Variants in AKR1C3 observed in about 807,000 individuals in gnomAD.
AKR1C3 encodes 3-alpha hydroxysteroid dehydrogenase, type II.
A neutral mutation model predicts 43.6 loss-of-function variants in AKR1C3; 48 were observed. The observed-to-expected ratio is 1.10, with a 90% confidence interval of 0.87 to 1.40. The LOEUF is 1.40. AKR1C3 is among the 40% of genes most tolerant of loss of function. The pLI, the probability that AKR1C3 is intolerant of heterozygous loss-of-function variation, is 0.00. For synonymous variants in AKR1C3, 162 were observed against 139.6 expected, an observed-to-expected ratio of 1.16 and a Z score of -1.13; for missense variants, 482 against 391.2, an observed-to-expected ratio of 1.23 and a Z score of -1.96.
chr10:5,062,325 T>A (rs1222618576), intron 1 of AKR1C3, among the ~76,000 whole-genome samples: 1 of 152,192 alleles, frequency 6.6e-6, no homozygotes, highest in Non-Finnish European at 1.5e-5. Flanking sequence ...TCAGGGAGGC[T>A]ATAAACTTTG....
chr10:5,091,132 G>A (rs1047750920), upstream of AKR1C3, among the ~76,000 whole-genome samples: 1 of 151,978 alleles, frequency 6.6e-6, no homozygotes, highest in Admixed American at 6.6e-5. Context: ...AGAAAACGGA[G>A]TAAAATGAGG....
chr10:5,072,198 C>A (rs1219460798), intron 1 of AKR1C3, among the ~76,000 whole-genome samples: 1 of 152,102 alleles, frequency 6.6e-6, no homozygotes, highest in Admixed American at 6.6e-5. Flanking sequence ...TAATTTATGG[C>A]CAAACCCTGG....
chr10:5,062,282 C>T (rs782788033), intron 1 of AKR1C3, among the ~76,000 whole-genome samples: 1 of 152,188 alleles, frequency 6.6e-6, no homozygotes, highest in Admixed American at 6.5e-5. Flanking sequence ...TTGCAGCCCA[C>T]AATCTTTCCT....
intron 7 of AKR1C3, among the ~76,000 whole-genome samples, chr10:5,102,961 G>A (rs1554786369): frequency 6.8e-6 from 1 of 147,764 alleles, no homozygotes; most frequent in South Asian, 2.1e-4. Context: ...TTTTTTTTGA[G>A]ACAGAGTCTC....
intron 1 of AKR1C3, among the ~76,000 whole-genome samples, chr10:5,067,868 A>G (rs782236759): frequency 6.6e-6 from 1 of 152,186 alleles, no homozygotes; most frequent in African/African-American, 2.4e-5. Context: ...AGGAAGGACA[A>G]TGTGGCCATC....
intron 1 of AKR1C3, among the ~76,000 whole-genome samples, chr10:5,070,467 A>T (rs1207377695): frequency 6.6e-6 from 1 of 152,220 alleles, no homozygotes; most frequent in Admixed American, 6.5e-5. Context: ...TGGGGGTTTA[A>T]ATACTCTCTA....
At chr10:5,055,467 T>G (rs963699706) in intron 1 of AKR1C3, among the ~76,000 whole-genome samples, 1 of 152,226 alleles carries the variant, frequency 6.6e-6, no homozygotes, top group Non-Finnish European at 1.5e-5. Flanking sequence ...GTATGCCATT[T>G]ACATCATGAG....
intron 1 of AKR1C3, among the ~76,000 whole-genome samples, chr10:5,069,813 G>A (rs1343713845): frequency 6.6e-6 from 1 of 152,108 alleles, no homozygotes; most frequent in Non-Finnish European, 1.5e-5. Flanking sequence ...GGCAGAGGTT[G>A]TGGTGAGCTG....
chr10:5,101,800 C>T (rs963557571), intron 5 of AKR1C3, among the ~76,000 whole-genome samples: 3 of 152,136 alleles, frequency 2.0e-5, no homozygotes, highest in Non-Finnish European at 2.9e-5. Flanking sequence ...CCCAAAGGCT[C>T]TAAGAATCTT....
intron 1 of AKR1C3, chr10:5,081,040 T>TAA (rs1337486616): frequency 6.6e-5 from 10 of 152,192 alleles, no homozygotes; most frequent in Admixed American, 6.5e-4. Context: ...AAAGATATAG[T>TAA]AAGTGCATTC....
intron 1 of AKR1C3, among the ~76,000 whole-genome samples, chr10:5,071,817 G>GGC: frequency 6.6e-6 from 1 of 152,186 alleles, no homozygotes; most frequent in Non-Finnish European, 1.5e-5. Flanking sequence ...GGCCCAAGCA[G>GGC]CCCCTTCCTA....
chr10:5,053,450 A>G (rs1193994034), intron 1 of AKR1C3, among the ~76,000 whole-genome samples: 2 of 152,224 alleles, frequency 1.3e-5, no homozygotes, highest in African/African-American at 4.8e-5. Flanking sequence ...CCACAAGGCC[A>G]TGCGCAGCCC....
upstream of AKR1C3, chr10:5,093,824 G>A (rs1554784688): frequency 6.6e-6 from 1 of 152,128 alleles, no homozygotes; most frequent in Non-Finnish European, 1.5e-5. Flanking sequence ...TATCAGGACT[G>A]CATCTTCTTC....
chr10:5,089,984 A>G (rs1448310798), upstream of AKR1C3, among the ~76,000 whole-genome samples: 1 of 152,150 alleles, frequency 6.6e-6, no homozygotes, highest in Non-Finnish European at 1.5e-5. Context: ...GCTTTGCTTC[A>G]ATAGCCCTAT....
At chr10:5,057,799 A>G (rs1554779786) in intron 1 of AKR1C3, among the ~76,000 whole-genome samples, 1 of 152,158 alleles carries the variant, frequency 6.6e-6, no homozygotes, top group African/African-American at 2.4e-5. Context: ...TTTACTGACT[A>G]AGATACCACA....
chr10:5,095,335 T>C (rs1411377073), intron 1 of AKR1C3, among the ~76,000 whole-genome samples: 1 of 152,116 alleles, frequency 6.6e-6, no homozygotes, highest in Non-Finnish European at 1.5e-5. Flanking sequence ...TCTACAAGGA[T>C]ACATTTTCTA....
upstream of AKR1C3, chr10:5,094,218 T>C (rs572094568): frequency 4.2e-5 from 14 of 335,472 alleles, no homozygotes; most frequent in Non-Finnish European, 6.2e-5. Flanking sequence ...ATTATAACCA[T>C]ATATTATAAT....
intron 1 of AKR1C3, among the ~76,000 whole-genome samples, chr10:5,063,684 G>A (rs111532662): frequency 0.041 from 5,833 of 143,310 alleles, 393 homozygotes; most frequent in African/African-American, 0.14. Context: ...TTACTCAGAA[G>A]CCTCAGAGGC....
chr10:5,069,130 G>A (rs1457157339), intron 1 of AKR1C3, among the ~76,000 whole-genome samples: 2 of 152,094 alleles, frequency 1.3e-5, no homozygotes, highest in Non-Finnish European at 2.9e-5. Flanking sequence ...TTACAGAAGG[G>A]ACAAATGGTG....
Sources: gnomAD v4.1 joint callset for allele counts (sites outside exome capture counted in the v4.1 genomes callset) on GRCh38, gnomAD v4.1.1 for gene constraint, MANE v1.5 for transcripts, NCBI Gene and HGNC (gene_info 2026-07-23, HGNC 2026-07-21) for gene names.